NFIL3: variants seen among roughly 807,000 people sequenced by gnomAD.
NFIL3 encodes nuclear factor, interleukin 3 regulated, also known as nuclear factor interleukin-3-regulated protein.
NFIL3 carries 5 observed loss-of-function variants against 10.0 expected under a neutral mutation model. The observed-to-expected ratio is 0.50, with a 90% CI of 0.26 to 1.06. NFIL3 has a LOEUF of 1.06. Among genes scored for constraint, NFIL3 ranks in the 50% least tolerant of loss-of-function variants. The pLI is 0.13. For missense variants in NFIL3, 436 were observed against 547.6 expected, an observed-to-expected ratio of 0.80 and a Z score of 2.03; for synonymous variants, 202 against 206.5, an observed-to-expected ratio of 0.98 and a Z score of 0.19.
the NFIL3 span, among the ~76,000 whole-genome samples, chr9:91,450,974 C>G: frequency 0.42 from 63,864 of 152,026 alleles, 17,380 homozygotes; most frequent in African/African-American, 0.77. Flanking sequence ...CAAACAGTAA[C>G]CAAGGTAACT....
the NFIL3 span, among the ~76,000 whole-genome samples, chr9:91,470,063 A>G: frequency 6.6e-6 from 1 of 152,128 alleles, no homozygotes; most frequent in Non-Finnish European, 1.5e-5. Flanking sequence ...GTTAGGGAGG[A>G]TTCCCTCTTT....
At chr9:91,456,870 A>G in the NFIL3 span, among the ~76,000 whole-genome samples, 73 of 152,112 alleles carry the variant, frequency 4.8e-4, 1 homozygote, top group South Asian at 0.014. Flanking sequence ...AACATTTTAT[A>G]TGGTGTGAGG....
chr9:91,474,554 A>C, the NFIL3 span, among the ~76,000 whole-genome samples: 3 of 152,116 alleles, frequency 2.0e-5, no homozygotes, highest in Non-Finnish European at 2.9e-5. Flanking sequence ...TGATCTAATA[A>C]GAGTTGTTTA....
intron 1 of NFIL3, among the ~76,000 whole-genome samples, chr9:91,414,260 A>G (rs1406862618): frequency 6.6e-6 from 1 of 152,114 alleles, no homozygotes; most frequent in Non-Finnish European, 1.5e-5. Flanking sequence ...CTGGAGTGCA[A>G]TGGTACGATC....
chr9:91,479,030 G>A, the NFIL3 span, among the ~76,000 whole-genome samples: 3 of 152,172 alleles, frequency 2.0e-5, no homozygotes, highest in Non-Finnish European at 4.4e-5. Context: ...TTGTCCCAGA[G>A]GGGCATCTGC....
the NFIL3 span, among the ~76,000 whole-genome samples, chr9:91,431,897 C>T: frequency 6.6e-6 from 1 of 152,310 alleles, no homozygotes; most frequent in South Asian, 2.1e-4. Context: ...ATCCCCTTTG[C>T]CTCACCTGTC....
At chr9:91,413,990 T>C (rs1247216862) in intron 1 of NFIL3, among the ~76,000 whole-genome samples, 2 of 152,222 alleles carry the variant, frequency 1.3e-5, no homozygotes, top group Non-Finnish European at 2.9e-5. Flanking sequence ...CCATTCTGTC[T>C]GCCTTAGTTA....
At chr9:91,424,866 A>T (rs910401359), upstream of NFIL3, among the ~76,000 whole-genome samples, 2 of 152,170 alleles carry the variant, frequency 1.3e-5, no homozygotes, top group African/African-American at 4.8e-5. Context: ...TTCTGCGTCT[A>T]ACTGGATACG....
chr9:91,468,592 T>C, the NFIL3 span, among the ~76,000 whole-genome samples: 1 of 152,240 alleles, frequency 6.6e-6, no homozygotes, highest in Admixed American at 6.5e-5. Context: ...TCTTGGTGTT[T>C]TAGTCATGAA....
chr9:91,434,154 C>T, the NFIL3 span, among the ~76,000 whole-genome samples: 3 of 152,090 alleles, frequency 2.0e-5, no homozygotes, highest in Admixed American at 6.5e-5. Context: ...GTGACTCATG[C>T]GTATAATAGA....
intron 1 of NFIL3, among the ~76,000 whole-genome samples, chr9:91,419,424 G>A (rs1402786059): frequency 1.3e-5 from 2 of 152,152 alleles, no homozygotes; most frequent in African/African-American, 4.8e-5. Context: ...CTCAACGTCC[G>A]AAAGGCCTCT....
chr9:91,429,851 AC>A, the NFIL3 span, among the ~76,000 whole-genome samples: 1 of 151,892 alleles, frequency 6.6e-6, no homozygotes, highest in Non-Finnish European at 1.5e-5. Flanking sequence ...AGTGCTGAAG[AC>A]CCAGATACAG....
chr9:91,465,607 A>T, the NFIL3 span, among the ~76,000 whole-genome samples: 1 of 152,096 alleles, frequency 6.6e-6, no homozygotes, highest in East Asian at 1.9e-4. Flanking sequence ...GCTGAGTCAG[A>T]TTCCAGCGTT....
At chr9:91,434,123 T>G in the NFIL3 span, among the ~76,000 whole-genome samples, 3 of 152,132 alleles carry the variant, frequency 2.0e-5, no homozygotes, top group African/African-American at 7.2e-5. Flanking sequence ...ACTTAAAAAG[T>G]TGATTCTCAG....
At chr9:91,461,849 C>T in the NFIL3 span, among the ~76,000 whole-genome samples, 81 of 152,104 alleles carry the variant, frequency 5.3e-4, no homozygotes, top group Middle Eastern at 3.4e-3. Context: ...GGAAAAGGAA[C>T]CTAGAGGAAA....
the NFIL3 span, among the ~76,000 whole-genome samples, chr9:91,476,829 C>T: frequency 6.6e-6 from 1 of 152,170 alleles, no homozygotes; most frequent in Non-Finnish European, 1.5e-5. Flanking sequence ...ATGGTGAACA[C>T]TAAACATTCC....
chr9:91,426,352 G>A (rs1269799794), upstream of NFIL3: 1 of 152,224 alleles, frequency 6.6e-6, no homozygotes, highest in Admixed American at 6.5e-5. Flanking sequence ...CAGGGCCGAA[G>A]TGATGATGTA....
chr9:91,428,867 TGTGA>T, the NFIL3 span, among the ~76,000 whole-genome samples: 6 of 152,140 alleles, frequency 3.9e-5, no homozygotes, highest in Non-Finnish European at 2.9e-5. Flanking sequence ...AAATGGTATA[TGTGA>T]GTAAGAGTGC....
intron 1 of NFIL3, among the ~76,000 whole-genome samples, chr9:91,412,098 C>CAAAA (rs56891881): frequency 3.3e-4 from 25 of 76,790 alleles, no homozygotes; most frequent in Middle Eastern, 7.4e-3. Context: ...AAGACTCTGT[C>CAAAA]AAAAAAAAAA....
Sources: gnomAD v4.1 joint callset for allele counts (sites outside exome capture counted in the v4.1 genomes callset) on GRCh38, gnomAD v4.1.1 for gene constraint, MANE v1.5 for transcripts, NCBI Gene and HGNC (gene_info 2026-07-23, HGNC 2026-07-21) for gene names.